Variants in NLGN1 observed in about 807,000 individuals in gnomAD.
NLGN1 encodes the protein neuroligin-1.
Under a neutral mutation model 65.5 loss-of-function variants are expected in NLGN1, and 12 were observed. The observed-to-expected ratio is 0.18, with a 90% CI of 0.12 to 0.30. The LOEUF is 0.30. Ranked by LOEUF, NLGN1 falls within the 10% of genes least tolerant of loss-of-function variation. NLGN1 has a pLI of 1.00. For missense variants in NLGN1, 750 were observed against 1,007.1 expected (o/e 0.74, Z 3.46); for synonymous variants, 350 against 359.5 (o/e 0.97, Z 0.30).
intron 2 of NLGN1, among the ~76,000 whole-genome samples, chr3:173,595,184 A>C (rs890893117): frequency 2.6e-5 from 4 of 152,122 alleles, no homozygotes; most frequent in South Asian, 2.1e-4. Context: ...TCAGACTGCA[A>C]ATTTTCTGAA....
At chr3:174,040,967 T>C (rs749900849) in intron 4 of NLGN1, among the ~76,000 whole-genome samples, 4 of 152,176 alleles carry the variant, frequency 2.6e-5, no homozygotes, top group Admixed American at 6.5e-5. Context: ...TAATTCAATA[T>C]TTTTTATGAA....
At chr3:173,629,358 C>T (rs1755323454) in intron 3 of NLGN1, among the ~76,000 whole-genome samples, 1 of 152,092 alleles carries the variant, frequency 6.6e-6, no homozygotes, top group African/African-American at 2.4e-5. Context: ...TCAAACAATC[C>T]TCCATTCTTG....
chr3:173,801,688 A>G (rs1715487039), intron 3 of NLGN1, among the ~76,000 whole-genome samples: 1 of 152,096 alleles, frequency 6.6e-6, no homozygotes, highest in Non-Finnish European at 1.5e-5. Flanking sequence ...ATGACATTTG[A>G]TTAAATATTT....
chr3:173,833,766 G>A (rs184206079), intron 4 of NLGN1, among the ~76,000 whole-genome samples: 61 of 152,248 alleles, frequency 4.0e-4, no homozygotes, highest in African/African-American at 1.4e-3. Flanking sequence ...CTCCCAAAGT[G>A]CTGAGATTAC....
At chr3:173,590,855 T>C in intron 2 of NLGN1, among the ~76,000 whole-genome samples, 1 of 152,168 alleles carries the variant, frequency 6.6e-6, no homozygotes, top group East Asian at 1.9e-4. Context: ...ATAGAGTTTA[T>C]ATACTTCACT....
At chr3:173,887,265 C>G (rs1200203048) in intron 4 of NLGN1, among the ~76,000 whole-genome samples, 1 of 151,932 alleles carries the variant, frequency 6.6e-6, no homozygotes. Flanking sequence ...GAGATTCTAC[C>G]TATATTTCTT....
At chr3:174,170,411 ACTGCTGTAAT>A (rs1728301930) in intron 4 of NLGN1, among the ~76,000 whole-genome samples, 3 of 152,184 alleles carry the variant, frequency 2.0e-5, no homozygotes, top group Non-Finnish European at 4.4e-5. Context: ...TGGATGATCC[ACTGCTGTAAT>A]CCACCAGCAG....
rs563426219 is a variant in NLGN1 at position 174,267,773 on chromosome 3, T to G, written c.647-7542T>G. 2.0e-5 allele frequency among the ~76,000 whole-genome samples: 3 copies of G among 152,316 alleles called. No homozygotes were observed. In the South Asian group the frequency reaches 6.2e-4, roughly 32 times the overall value. On this transcript the variant is annotated intron_variant, in intron 4 of 6. Transcript: ENST00000457714. ...GACCTCTTTCATTTGAAAAGTTTAA[T>G]TATTAGTCTTCATGTGTTAATAGAA...
chr3:173,464,252 T>C (rs1335613767), intron 2 of NLGN1, among the ~76,000 whole-genome samples: 1 of 152,164 alleles, frequency 6.6e-6, no homozygotes, highest in Non-Finnish European at 1.5e-5. Flanking sequence ...TTTCTTACTC[T>C]AATTTTATAG....
intron 4 of NLGN1, among the ~76,000 whole-genome samples, chr3:173,968,391 T>G (rs1715344818): frequency 6.6e-6 from 1 of 152,128 alleles, no homozygotes; most frequent in Non-Finnish European, 1.5e-5. Flanking sequence ...AAACAACTGA[T>G]TATGGGATAT....
chr3:173,750,911 T>G (rs1350701298), intron 3 of NLGN1, among the ~76,000 whole-genome samples: 1 of 152,096 alleles, frequency 6.6e-6, no homozygotes, highest in Non-Finnish European at 1.5e-5. Flanking sequence ...CAGCACAACT[T>G]AACTGCTGGT....
At chr3:173,894,435 T>C (rs904325473) in intron 4 of NLGN1, among the ~76,000 whole-genome samples, 1 of 152,118 alleles carries the variant, frequency 6.6e-6, no homozygotes, top group Non-Finnish European at 1.5e-5. Context: ...AGAAAGGAGT[T>C]TCTAAGTCAT....
chr3:173,668,513 C>A (rs969743416), intron 3 of NLGN1, among the ~76,000 whole-genome samples: 15 of 151,898 alleles, frequency 9.9e-5, no homozygotes, highest in Non-Finnish European at 2.2e-4. Flanking sequence ...CTGTGTATGT[C>A]TTTGAGGAAG....
chr3:173,578,467 C>T (rs183206168), intron 2 of NLGN1, among the ~76,000 whole-genome samples: 12 of 152,050 alleles, frequency 7.9e-5, no homozygotes, highest in Non-Finnish European at 1.3e-4. Flanking sequence ...GATGTCAATA[C>T]CACTGGGATA....
At chr3:174,161,684 G>A (rs947608306) in intron 4 of NLGN1, among the ~76,000 whole-genome samples, 20 of 151,980 alleles carry the variant, frequency 1.3e-4, no homozygotes, top group African/African-American at 4.8e-4. Flanking sequence ...ACAGGAAGCA[G>A]GTAGCAAGTG....
At chr3:173,869,129 A>G (rs1027228012) in intron 4 of NLGN1, among the ~76,000 whole-genome samples, 2 of 152,198 alleles carry the variant, frequency 1.3e-5, no homozygotes, top group Admixed American at 6.5e-5. Flanking sequence ...ACTGCAGAAG[A>G]TATTATTCAG....
rs560913933 is a variant in NLGN1, at chr3:173,966,169, C to T, written c.646+158337C>T. Among the ~76,000 whole-genome samples the T allele has an allele frequency of 1.4e-3, 219 of 152,244 alleles. 1 individual carries two copies. Among genetic ancestry groups the T allele is most frequent in the African/African-American group, 5.2e-3 (216 of 41,550 alleles). On this transcript the variant is annotated intron_variant, in intron 4 of 6. Transcript: ENST00000457714. Reference sequence around the variant, plus strand: ...CTTTCTGTAACAATAGAGCCAATGACCAGTTGCCTAAAATCTCTCCTTCCC... The same window carrying T: ...CTTTCTGTAACAATAGAGCCAATGATCAGTTGCCTAAAATCTCTCCTTCCC...
chr3:173,422,349 C>T (rs1020038284), intron 1 of NLGN1, among the ~76,000 whole-genome samples: 3 of 152,068 alleles, frequency 2.0e-5, no homozygotes, highest in South Asian at 2.1e-4. Context: ...AGTAGAATGG[C>T]GGTTACCGGA....
At chr3:173,692,962 C>T (rs899350951) in intron 3 of NLGN1, among the ~76,000 whole-genome samples, 10 of 152,086 alleles carry the variant, frequency 6.6e-5, no homozygotes, top group Admixed American at 2.6e-4. Context: ...ATTTCTCCAC[C>T]AGTGAGACGT....
Sources: gnomAD v4.1 joint callset for allele counts (sites outside exome capture counted in the v4.1 genomes callset) on GRCh38, gnomAD v4.1.1 for gene constraint, MANE v1.5 for transcripts, NCBI Gene and HGNC (gene_info 2026-07-23, HGNC 2026-07-21) for gene names.